Variants in ZGPAT observed in about 807,000 individuals in gnomAD.
ZGPAT encodes zinc finger CCCH-type and G-patch domain containing, also known as zinc finger CCCH-type with G patch domain-containing protein.
Under a neutral mutation model 47.9 loss-of-function variants are expected in ZGPAT, and 39 were observed. That is an observed-to-expected ratio of 0.81 (90% confidence interval 0.63 to 1.06). The LOEUF is 1.06. Among genes scored for constraint, ZGPAT ranks in the 50% least tolerant of loss-of-function variants. ZGPAT has a pLI of 0.00. For synonymous variants in ZGPAT, 348 were observed against 292.9 expected, an observed-to-expected ratio of 1.19 and a Z score of -1.92; for missense variants, 717 against 681.4, an observed-to-expected ratio of 1.05 and a Z score of -0.58.
chr20:63,708,658 C>G lies in ZGPAT; in HGVS notation c.78C>G (p.Ala26=). ...AGCAGGTGGAGCTGGCCTTGGGCGC[C>G]GGCCTGGATTCGTCTGAGCAGGCTG... ...QLQQVELALG[A]GLDSSEQADL... Residue 26 remains alanine, a synonymous_variant, in exon 2 of 7, where the codon GCC becomes GCG. Coordinates refer to ENST00000355969, the MANE Select transcript of ZGPAT (RefSeq NM_181485.3). 1.2e-6 allele frequency: 2 copies of G among 1,612,568 alleles called. No individual in the cohort carries two copies. Among genetic ancestry groups the G allele is most frequent in the Non-Finnish European group, 1.7e-6 (2 of 1,179,792 alleles).
At chr20:63,718,894 GTC>G (rs199657529) in intron 2 of ZGPAT, among the ~76,000 whole-genome samples, 7,821 of 152,054 alleles carry the variant, frequency 0.051, 323 homozygotes, top group Non-Finnish European at 0.082. Context: ...GTGAAACCCT[GTC>G]TCTACTAAAA....
chr20:63,733,754 G>T lies in ZGPAT; in HGVS notation c.871+15G>T, dbSNP rs2091947246. On this transcript the variant is annotated intron_variant, in intron 4 of 6. Coordinates refer to ENST00000355969, the MANE Select transcript of ZGPAT (RefSeq NM_181485.3). ...CTATGCCAGAGGTATGGCAGCAGCT[G>T]CGGAGCCCAGGAGCCAGGAAGGTGG... 1.3e-6 allele frequency: 2 copies of T among 1,598,830 alleles called. No individual in the cohort carries two copies. The highest frequency in any genetic ancestry group is 1.7e-4 in the Middle Eastern group (1 of 5,970).
chr20:63,732,763 C>T (rs1001056141), intron 2 of ZGPAT, among the ~76,000 whole-genome samples: 6 of 148,424 alleles, frequency 4.0e-5, no homozygotes, highest in African/African-American at 1.3e-4. Flanking sequence ...TGCCTGTGTA[C>T]GTATGTATAT....
chr20:63,708,012 C>T (rs2091583296), upstream of ZGPAT: 1 of 152,086 alleles, frequency 6.6e-6, no homozygotes, highest in Non-Finnish European at 1.5e-5. Context: ...CCGCGCTCCG[C>T]TTCCCGGCTG....
rs772537611 is a variant in ZGPAT at position 63,735,144 on chromosome 20, C to T, written c.992-15C>T. On this transcript the variant is annotated splice_polypyrimidine_tract_variant and intron_variant, in intron 5 of 6. Transcript: ENST00000355969. ...GTCCCGCAGCCACAGCACTGCCATC[C>T]CCGTGCCTCCGCAGGTTTGGGCCGA... 1.5e-5 allele frequency: 23 copies of T among 1,503,172 alleles called. No homozygotes were observed. Among genetic ancestry groups the T allele is most frequent in the Non-Finnish European group, 1.2e-5 (13 of 1,127,288 alleles). 93.1% of individuals were successfully genotyped at this position (1,503,172 alleles called of 1,614,324 possible).
In ZGPAT at chr20:63,735,771, C is replaced by T. The variant is rs752269950; in HGVS notation, c.1398-10C>T. 302 of 1,589,498 alleles carry T rather than the reference C, an allele frequency of 1.9e-4. No individual in the cohort carries two copies. Among genetic ancestry groups the T allele is most frequent in the Non-Finnish European group, 2.3e-4 (268 of 1,169,232 alleles). On this transcript the variant is annotated splice_polypyrimidine_tract_variant and intron_variant, in intron 6 of 6. Coordinates refer to ENST00000355969, the MANE Select transcript of ZGPAT (RefSeq NM_181485.3). ...CAGGACCCCACGCTGACTAGTGAGC[C>T]CCTCCGCAGGCATAGCGTGGCGTCA...
At chr20:63,714,281 C>T (rs2091702936) in intron 2 of ZGPAT, among the ~76,000 whole-genome samples, 2 of 151,744 alleles carry the variant, frequency 1.3e-5, no homozygotes, top group South Asian at 4.2e-4. Flanking sequence ...CAAAAATTAG[C>T]TGGGTGAGGT....
At chr20:63,709,464 C>T (rs1416291309) in intron 2 of ZGPAT, among the ~76,000 whole-genome samples, 1 of 152,070 alleles carries the variant, frequency 6.6e-6, no homozygotes, top group East Asian at 1.9e-4. Flanking sequence ...ATGGTGAAAC[C>T]CCATCTCCTT....
At position 63,727,639 on chromosome 20, in the gene ZGPAT, C is replaced by T. The variant is rs148333452; in HGVS notation, c.585-5580C>T. The stretch of plus-strand genomic sequence containing the variant: ...GAGCTGAGATCATGCCACTGCACTC[C>T]AGCCTGGGTGAGAGAGTGGGACTCG... On this transcript the variant is annotated intron_variant, in intron 2 of 6. Coordinates refer to ENST00000355969, the MANE Select transcript of ZGPAT (RefSeq NM_181485.3). Among the ~76,000 whole-genome samples, 758 of 142,650 alleles carry T rather than the reference C, an allele frequency of 5.3e-3. 1 individual carries two copies. The highest frequency in any genetic ancestry group is 8.2e-3 in the Non-Finnish European group (547 of 66,788). 93.6% of individuals were successfully genotyped at this position (142,650 alleles called of 152,430 possible).
chr20:63,729,319 C>G (rs189015984), intron 2 of ZGPAT, among the ~76,000 whole-genome samples: 1 of 152,174 alleles, frequency 6.6e-6, no homozygotes, highest in Admixed American at 6.5e-5. Context: ...CGTGAGCCAC[C>G]GCTCCCGGCC....
At chr20:63,716,667 C>T (rs1458179645) in intron 2 of ZGPAT, among the ~76,000 whole-genome samples, 1 of 151,792 alleles carries the variant, frequency 6.6e-6, no homozygotes, top group Non-Finnish European at 1.5e-5. Context: ...TGAGCCACCA[C>T]ACCCAGCTAG....
At chr20:63,719,316 C>T (rs1220402419) in intron 2 of ZGPAT, among the ~76,000 whole-genome samples, 3 of 152,140 alleles carry the variant, frequency 2.0e-5, no homozygotes, top group Non-Finnish European at 2.9e-5. Flanking sequence ...ATTAAATTTG[C>T]AAAGTTTCAG....
intron 2 of ZGPAT, among the ~76,000 whole-genome samples, chr20:63,732,260 T>C (rs1268715349): frequency 2.0e-5 from 3 of 148,388 alleles, no homozygotes; most frequent in Admixed American, 1.3e-4. Flanking sequence ...TGTGTGTGGA[T>C]GAGAGGTCGC....
At chr20:63,732,409 C>CACGCATGTGTGTGGGTGAGGGCCT (rs2091919797) in intron 2 of ZGPAT, among the ~76,000 whole-genome samples, 4 of 137,252 alleles carry the variant, frequency 2.9e-5, no homozygotes, top group Admixed American at 7.4e-5. Flanking sequence ...CCTGTGTGTG[C>CACGCATGTGTGTGGGTGAGGGCCT]GTGTGTGTGG....
At chr20:63,729,049 T>G (rs1327803865) in intron 2 of ZGPAT, among the ~76,000 whole-genome samples, 5 of 151,252 alleles carry the variant, frequency 3.3e-5, no homozygotes, top group Admixed American at 1.3e-4. Context: ...TTTTTTTTTT[T>G]GAGATGGAGT....
intron 2 of ZGPAT, among the ~76,000 whole-genome samples, chr20:63,710,804 TA>T (rs1181840053): frequency 6.6e-6 from 1 of 152,220 alleles, no homozygotes; most frequent in African/African-American, 2.4e-5. Flanking sequence ...TCATAATAGG[TA>T]ACACATTTAA....
chr20:63,729,610 C>T (rs935142076), intron 2 of ZGPAT, among the ~76,000 whole-genome samples: 2 of 152,140 alleles, frequency 1.3e-5, no homozygotes, highest in African/African-American at 2.4e-5. Context: ...TTCCTGGAGG[C>T]TCTCTTTTGC....
Position 63,716,437 on chromosome 20 carries a change from C to G in ZGPAT, c.584+7273C>G, listed in dbSNP as rs565976189. On this transcript the variant is annotated intron_variant, in intron 2 of 6. Coordinates refer to ENST00000355969, the MANE Select transcript of ZGPAT (RefSeq NM_181485.3). ...TTGTTCATAGTATCCTTTTATAGCC[C>G]TAGTTATTTCTGTAAGATCAGTAGT... is the stretch of plus-strand genomic sequence containing the variant. Among the ~76,000 whole-genome samples the G allele has an allele frequency of 1.6e-4, 24 of 152,078 alleles. No individual in the cohort carries two copies. In the South Asian group the frequency reaches 5.0e-3, roughly 32 times the overall value.
Position 63,735,475 on chromosome 20 carries a change from C to G in ZGPAT, c.1308C>G (p.Ser436Arg). 1.9e-6 allele frequency: 3 copies of G among 1,554,574 alleles called. No homozygotes were observed. Among genetic ancestry groups the G allele is most frequent in the Non-Finnish European group, 2.6e-6 (3 of 1,155,328 alleles). Residue 436 changes from serine to arginine, a missense_variant, in exon 6 of 7, where the codon AGC becomes AGG. Ser to Arg is a moderately radical substitution (Grantham distance 110, BLOSUM62 -1). Transcript: ENST00000355969. ...HASKSAKRALSLRLFQTEEKI... is the reference protein window; with the variant it reads ...HASKSAKRALRLRLFQTEEKI... ...GCAAGAGTGCCAAGCGGGCCCTGAG[C>G]CTGCGGCTCTTCCAGACTGAGGAGA... is the stretch of plus-strand genomic sequence containing the variant.
Sources: allele counts gnomAD v4.1 joint callset (sites outside exome capture counted in the v4.1 genomes callset), GRCh38; gene constraint gnomAD v4.1.1; transcripts MANE v1.5; gene names NCBI Gene and HGNC (gene_info 2026-07-23, HGNC 2026-07-21).